The following ENPP2 variants were observed in gnomAD, a reference collection of about 807,000 sequenced individuals.
ENPP2 encodes autotaxin.
In ENPP2, 51 loss-of-function variants were observed where a neutral mutation model predicts 120.2. That is an observed-to-expected ratio of 0.42 (90% confidence interval 0.34 to 0.54). ENPP2 has a LOEUF of 0.54. Among genes scored for constraint, ENPP2 ranks in the 20% least tolerant of loss-of-function variants. ENPP2 has a pLI of 0.04. For missense variants in ENPP2, 920 were observed against 1,066.5 expected (o/e 0.86, Z 1.91); for synonymous variants, 365 against 366.4 (o/e 1.00, Z 0.04).
chr8:119,597,992 G>A (rs560995992), intron 11 of ENPP2, among the ~76,000 whole-genome samples: 47 of 152,152 alleles, frequency 3.1e-4, no homozygotes, highest in Admixed American at 1.5e-3. Context: ...TAAAAGATAC[G>A]TTACTGATTT....
intron 12 of ENPP2, among the ~76,000 whole-genome samples, chr8:119,591,140 C>G (rs1393978567): frequency 6.6e-6 from 1 of 152,000 alleles, no homozygotes; most frequent in Non-Finnish European, 1.5e-5. Context: ...AGTACATAAT[C>G]ACCAGTCCTC....
At chr8:119,587,382 C>T (rs1458944604) in intron 13 of ENPP2, among the ~76,000 whole-genome samples, 2 of 152,160 alleles carry the variant, frequency 1.3e-5, no homozygotes, top group Non-Finnish European at 2.9e-5. Flanking sequence ...GTTTTAAGTT[C>T]CCCCTAATGG....
In ENPP2 at chr8:119,607,957, C is replaced by G. The variant is rs778302133; in HGVS notation, c.798G>C (p.Lys266Asn). 6.2e-7 allele frequency: 1 copy of G among 1,610,660 alleles called. No homozygotes were observed. The highest frequency in any genetic ancestry group is 1.7e-5 in the Admixed American group (1 of 59,546). Residue 266 changes from lysine (K) to asparagine (N), a missense_variant, in exon 9 of 25, where the codon AAG becomes AAC. Physicochemically the swap from Lys to Asn is moderately conservative, Grantham distance 94 (BLOSUM62 0). Coordinates refer to ENST00000075322, the MANE Select transcript of ENPP2 (RefSeq NM_001040092.3). The part of the protein sequence containing the change: ...GGQPLWITAT[K>N]QGVKAGTFFW... ...AGAATGTTCCAGCTTTCACCCCTTGCTTGGTGGCTGTAATCCATAGCTAAT... is the reference window on the plus strand; with the variant it reads ...AGAATGTTCCAGCTTTCACCCCTTGGTTGGTGGCTGTAATCCATAGCTAAT...
chr8:119,626,723 G>A lies in ENPP2; in HGVS notation c.137-3C>T. ...GGTCCAGGGGGAGTCTGATAGCACTGCAAAGAACAAGAGGCAAAAACAATG... is the reference window on the plus strand; with the variant it reads ...GGTCCAGGGGGAGTCTGATAGCACTACAAAGAACAAGAGGCAAAAACAATG... On this transcript the variant is annotated splice_region_variant and splice_polypyrimidine_tract_variant and intron_variant, in intron 2 of 24. Coordinates refer to ENST00000075322, the MANE Select transcript of ENPP2 (RefSeq NM_001040092.3). The A allele has an allele frequency of 6.2e-7, 1 of 1,613,718 alleles. No homozygotes were observed. Among genetic ancestry groups the A allele is most frequent in the Non-Finnish European group, 8.5e-7 (1 of 1,179,716 alleles).
At chr8:119,606,837 A>G (rs1041302379) in intron 9 of ENPP2, among the ~76,000 whole-genome samples, 3 of 151,850 alleles carry the variant, frequency 2.0e-5, no homozygotes, top group Non-Finnish European at 4.4e-5. Flanking sequence ...GCAAATACAG[A>G]AACAGCTTTA....
intron 1 of ENPP2, among the ~76,000 whole-genome samples, chr8:119,661,269 C>T (rs1817912499): frequency 6.6e-6 from 1 of 152,090 alleles, no homozygotes; most frequent in Admixed American, 6.6e-5. Flanking sequence ...ACCACCAGGT[C>T]ACATGTATAC....
At chr8:119,618,310 G>C (rs1815620775) in intron 5 of ENPP2, 2 of 487,920 alleles carry the variant, frequency 4.1e-6, no homozygotes, top group Non-Finnish European at 8.2e-6. Context: ...AGATGCTTTT[G>C]TTCTTATGGG....
intron 23 of ENPP2, among the ~76,000 whole-genome samples, chr8:119,563,602 A>C (rs957242810): frequency 2.0e-5 from 3 of 152,236 alleles, no homozygotes; most frequent in Admixed American, 2.0e-4. Flanking sequence ...ACCGAGTGCT[A>C]ATGATGGACC....
Position 119,619,688 on chromosome 8 carries a change from T to C in ENPP2, c.419-384A>G, listed in dbSNP as rs540988305. On this transcript the variant is annotated intron_variant, in intron 4 of 24. Transcript: ENST00000075322. ...GGAGATCTCAAAGCCATAGAAAGCA[T>C]GGCAAAACTTCCCTTTAGATGCTAA... is the stretch of plus-strand genomic sequence containing the variant. 2.7e-5 allele frequency among the ~76,000 whole-genome samples: 4 copies of C among 147,834 alleles called. No homozygotes were observed. The East Asian group carries it at 7.9e-4, about 29-fold the overall frequency.
chr8:119,666,801 A>G (rs1818086956), intron 1 of ENPP2, among the ~76,000 whole-genome samples: 1 of 151,442 alleles, frequency 6.6e-6, no homozygotes, highest in Non-Finnish European at 1.5e-5. Flanking sequence ...AGCTTAATGA[A>G]GGACTTAGCA....
intron 7 of ENPP2, among the ~76,000 whole-genome samples, chr8:119,616,896 C>A (rs1426802877): frequency 6.6e-6 from 1 of 151,992 alleles, no homozygotes; most frequent in South Asian, 2.1e-4. Context: ...AAACAATAGA[C>A]CCTCTGGTAT....
At chr8:119,584,200 G>A (rs77337299) in intron 15 of ENPP2, 151 bp from the exon 16 acceptor site, 19,324 of 607,772 alleles carry the variant, frequency 0.032, 441 homozygotes, top group Middle Eastern at 0.056. Flanking sequence ...ATGAAAAGAG[G>A]ATCCTATGCA....
At chr8:119,651,365 T>C (rs1209304321) in intron 1 of ENPP2, among the ~76,000 whole-genome samples, 1 of 152,212 alleles carries the variant, frequency 6.6e-6, no homozygotes, top group Non-Finnish European at 1.5e-5. Flanking sequence ...CCAGGCAACC[T>C]ACTGGGGACA....
chr8:119,618,374 T>C (rs531657223), intron 5 of ENPP2: 3 of 469,630 alleles, frequency 6.4e-6, no homozygotes, highest in South Asian at 3.0e-5. Flanking sequence ...AAAGAGACCA[T>C]GGAGATTTGA....
Position 119,621,065 on chromosome 8 carries a change from G to A in ENPP2, c.418+329C>T, listed in dbSNP as rs75908615. 3.7e-3 allele frequency among the ~76,000 whole-genome samples: 560 copies of A among 152,236 alleles called. 1 individual carries two copies. Among genetic ancestry groups the A allele is most frequent in the African/African-American group, 0.013 (534 of 41,530 alleles). On this transcript the variant is annotated intron_variant, in intron 4 of 24. Coordinates refer to ENST00000075322, the MANE Select transcript of ENPP2 (RefSeq NM_001040092.3). ...GACATGGTTTTCCTGCAGTATATCCGTTTCCTCAATAAACTGCATGTACCG... is the reference window on the plus strand; with the variant it reads ...GACATGGTTTTCCTGCAGTATATCCATTTCCTCAATAAACTGCATGTACCG...
chr8:119,626,749 G>C (rs766287591), intron 2 of ENPP2, 29 bp from the exon 3 acceptor site: 2 of 1,609,516 alleles, frequency 1.2e-6, no homozygotes, highest in African/African-American at 2.7e-5. Context: ...AAAAACAATG[G>C]ACTGGAGAGT....
At chr8:119,596,832 TG>T (rs1343178798) in intron 11 of ENPP2, among the ~76,000 whole-genome samples, 3 of 152,214 alleles carry the variant, frequency 2.0e-5, no homozygotes, top group Non-Finnish European at 4.4e-5. Flanking sequence ...CTATGGGTTT[TG>T]TTTTGAAAAT....
intron 12 of ENPP2, among the ~76,000 whole-genome samples, chr8:119,591,756 A>G (rs993417613): frequency 1.3e-5 from 2 of 152,242 alleles, no homozygotes; most frequent in Admixed American, 6.5e-5. Context: ...AAGAAAAAAC[A>G]CACAGCATAA....
chr8:119,573,160 C>T (rs1815165387), intron 19 of ENPP2: 1 of 152,172 alleles, frequency 6.6e-6, no homozygotes, highest in African/African-American at 2.4e-5. Flanking sequence ...GGAATCACAA[C>T]ACTTTGGGAG....
Sources: gnomAD v4.1 joint callset for allele counts (sites outside exome capture counted in the v4.1 genomes callset) on GRCh38, gnomAD v4.1.1 for gene constraint, MANE v1.5 for transcripts, NCBI Gene and HGNC (gene_info 2026-07-23, HGNC 2026-07-21) for gene names.